Variants in NKD1 observed in about 807,000 individuals in gnomAD.
The protein encoded by NKD1 is NKD inhibitor of Wnt signaling pathway 1.
Under a neutral mutation model 56.0 loss-of-function variants are expected in NKD1, and 21 were observed. That is an observed-to-expected ratio of 0.38 (90% confidence interval 0.27 to 0.54). The LOEUF (loss-of-function observed/expected upper bound fraction) is 0.54. NKD1 is among the 20% of genes least tolerant of loss of function. The pLI is 0.82. For synonymous variants in NKD1, 263 were observed against 265.7 expected, an observed-to-expected ratio of 0.99 and a Z score of 0.10; for missense variants, 578 against 642.7, an observed-to-expected ratio of 0.90 and a Z score of 1.09.
At chr16:50,589,773 T>C (rs1487651706) in intron 3 of NKD1, among the ~76,000 whole-genome samples, 1 of 99,810 alleles carries the variant, frequency 1.0e-5, no homozygotes, top group Non-Finnish European at 2.1e-5. Flanking sequence ...TCTCCTCTCC[T>C]CTCCTCTCCT....
intron 3 of NKD1, among the ~76,000 whole-genome samples, chr16:50,562,986 A>ACCC (rs1307651263): frequency 3.3e-5 from 2 of 60,436 alleles, no homozygotes; most frequent in Non-Finnish European, 2.9e-5. Context: ...TCCCACCACC[A>ACCC]CCCCCCCCCC....
intron 6 of NKD1, among the ~76,000 whole-genome samples, chr16:50,628,092 G>A (rs543941033): frequency 2.0e-5 from 3 of 152,126 alleles, no homozygotes; most frequent in Non-Finnish European, 4.4e-5. Flanking sequence ...GGAGTGCCTG[G>A]AGCCTGGGTC....
At chr16:50,564,479 C>A (rs1231933660) in intron 3 of NKD1, among the ~76,000 whole-genome samples, 1 of 152,196 alleles carries the variant, frequency 6.6e-6, no homozygotes, top group African/African-American at 2.4e-5. Flanking sequence ...TTAATATTCA[C>A]AAAAATGTGG....
Position 50,642,819 on chromosome 16 carries a change from C to T in NKD1, c.*9038C>T, listed in dbSNP as rs536444546. ...TGAGACAGCTGCTGTGGCATGCTGC[C>T]TCTGCTACACACTCAAAAAACACTT... On this transcript the variant is annotated 3_prime_UTR_variant, in exon 10 of 10. Transcript: ENST00000268459. 1 of 152,378 alleles carries T rather than the reference C, an allele frequency of 6.6e-6. No homozygotes were observed. Among genetic ancestry groups the T allele is most frequent in the South Asian group, 2.1e-4 (1 of 4,832 alleles). The allele number at this position is 152,378 out of a possible 1,614,324, so 9.4% of individuals were successfully genotyped here.
intron 3 of NKD1, chr16:50,555,225 G>A (rs1422481727): frequency 6.6e-6 from 1 of 152,446 alleles, no homozygotes; most frequent in East Asian, 1.9e-4. Flanking sequence ...GGAGGCTTCT[G>A]TGTGGAATCA....
chr16:50,559,569 C>T (rs1720670274), intron 3 of NKD1, among the ~76,000 whole-genome samples: 2 of 152,010 alleles, frequency 1.3e-5, no homozygotes, highest in South Asian at 4.2e-4. Context: ...CTATGTGGTG[C>T]AGCAGCAGGG....
At chr16:50,592,179 A>C (rs1961381075) in intron 3 of NKD1, among the ~76,000 whole-genome samples, 1 of 152,240 alleles carries the variant, frequency 6.6e-6, no homozygotes, top group African/African-American at 2.4e-5. Flanking sequence ...GGTCCAGTCC[A>C]CATTGGCCTT....
intron 4 of NKD1, among the ~76,000 whole-genome samples, chr16:50,618,284 G>A (rs780119591): frequency 7.2e-5 from 11 of 152,040 alleles, no homozygotes; most frequent in South Asian, 2.1e-4. Flanking sequence ...TTTCTCAAGC[G>A]GAAAAATGGC....
intron 3 of NKD1, among the ~76,000 whole-genome samples, chr16:50,551,169 T>A (rs1259156918): frequency 1.3e-5 from 2 of 149,152 alleles, no homozygotes; most frequent in African/African-American, 4.9e-5. Context: ...CTGTCGTTTT[T>A]AATTAAATAG....
chr16:50,648,504 A>T lies in NKD1; in HGVS notation c.*14723A>T, dbSNP rs75919881. The T allele has an allele frequency of 2.6e-5, 4 of 152,462 alleles. No homozygotes were observed. Among genetic ancestry groups the T allele is most frequent in the Non-Finnish European group, 5.9e-5 (4 of 68,036 alleles). 9.4% of individuals were successfully genotyped at this position (152,462 alleles called of 1,614,324 possible). The stretch of plus-strand genomic sequence containing the variant: ...TTTCTTGCCCCTAAATCCACTGGGC[A>T]TTTCATTGCTACCTTTCTTGACTTC... On this transcript the variant is annotated 3_prime_UTR_variant, in exon 10 of 10. Coordinates refer to ENST00000268459, the MANE Select transcript of NKD1 (RefSeq NM_033119.5).
chr16:50,621,226 G>A (rs1015264284), intron 4 of NKD1, among the ~76,000 whole-genome samples: 2 of 152,252 alleles, frequency 1.3e-5, no homozygotes, highest in Admixed American at 6.5e-5. Context: ...CAGTGAGACT[G>A]CAGAAAATGG....
chr16:50,608,831 CCTT>C (rs1567347862), intron 4 of NKD1, among the ~76,000 whole-genome samples: 1 of 152,172 alleles, frequency 6.6e-6, no homozygotes, highest in Non-Finnish European at 1.5e-5. Flanking sequence ...CCTCTGTTGT[CCTT>C]CTTCCTTTCT....
In NKD1 at chr16:50,625,684, C is replaced by A. The variant is rs902759700; in HGVS notation, c.462+104C>A. Reference sequence around the variant, plus strand: ...ACTTCTCTCCCCTGCATCGGTCCTGCCCCTCAGGGAAGGCCGTAACAGCCA... The same window carrying A: ...ACTTCTCTCCCCTGCATCGGTCCTGACCCTCAGGGAAGGCCGTAACAGCCA... On this transcript the variant is annotated intron_variant, in intron 6 of 9. Transcript: ENST00000268459. 5 of 751,520 alleles carry A rather than the reference C, an allele frequency of 6.7e-6. No individual in the cohort carries two copies. The East Asian group carries it at 8.1e-5, about 12-fold the overall frequency. The allele number at this position is 751,520 out of a possible 1,614,324, so 46.6% of individuals were successfully genotyped here.
intron 3 of NKD1, among the ~76,000 whole-genome samples, chr16:50,595,063 G>T (rs1320619607): frequency 1.3e-5 from 2 of 152,194 alleles, no homozygotes; most frequent in African/African-American, 4.8e-5. Context: ...CCGTCCAAAG[G>T]TGGGCTTGTT....
At chr16:50,571,026 G>A in intron 3 of NKD1, 4 of 981,978 alleles carry the variant, frequency 4.1e-6, no homozygotes, top group Non-Finnish European at 4.8e-6. Flanking sequence ...CTGTCCCGCT[G>A]TCAGGGCCAG....
At chr16:50,567,482 C>G (rs1960786790) in intron 3 of NKD1, among the ~76,000 whole-genome samples, 1 of 152,202 alleles carries the variant, frequency 6.6e-6, no homozygotes, top group Admixed American at 6.5e-5. Context: ...GAAAACCCAG[C>G]CCTAGGGAGG....
intron 3 of NKD1, 198 bp from the exon 4 acceptor site, chr16:50,608,096 C>G: frequency 1.7e-6 from 1 of 588,380 alleles, no homozygotes; most frequent in Non-Finnish European, 3.1e-6. Flanking sequence ...GAATGTTGTG[C>G]TGATGCGTGT....
rs1962470965 is a variant in NKD1, at chr16:50,636,514, G to A, written c.*2733G>A. The A allele has an allele frequency of 6.6e-6, 1 of 152,232 alleles. No individual in the cohort carries two copies. The highest frequency in any genetic ancestry group is 1.9e-4 in the East Asian group (1 of 5,192). 9.4% of individuals were successfully genotyped at this position (152,232 alleles called of 1,614,324 possible). A position where few individuals can be genotyped will look rare whatever the true frequency, so the allele number is the denominator to read the frequency against. ...TGCCGACTTTCTGGGTGTGGCCTAG[G>A]GCCCCTCAGTGTAATGTAGGGGTTG... On this transcript the variant is annotated 3_prime_UTR_variant, in exon 10 of 10. Coordinates refer to ENST00000268459, the MANE Select transcript of NKD1 (RefSeq NM_033119.5).
chr16:50,628,339 T>C lies in NKD1; in HGVS notation c.463-1847T>C, dbSNP rs114537676. 2.7e-3 allele frequency among the ~76,000 whole-genome samples: 416 copies of C among 152,274 alleles called. 4 individuals carry two copies. The highest frequency in any genetic ancestry group is 9.3e-3 in the African/African-American group (387 of 41,558). ...GGTCAGCGCCTCTGTCGGCCCCCAT[T>C]ACTCTGGACCACTCACCCACATGCC... On this transcript the variant is annotated intron_variant, in intron 6 of 9. Coordinates refer to ENST00000268459, the MANE Select transcript of NKD1 (RefSeq NM_033119.5).
Sources: gnomAD v4.1 joint callset for allele counts (sites outside exome capture counted in the v4.1 genomes callset) on GRCh38, gnomAD v4.1.1 for gene constraint, MANE v1.5 for transcripts, NCBI Gene and HGNC (gene_info 2026-07-23, HGNC 2026-07-21) for gene names.